Variants in CDH18 observed in about 807,000 individuals in gnomAD.
CDH18 encodes the protein cadherin-18.
CDH18 carries 31 observed loss-of-function variants against 67.9 expected under a neutral mutation model. The observed-to-expected ratio is 0.46, with a 90% confidence interval of 0.34 to 0.62. The LOEUF (loss-of-function observed/expected upper bound fraction) is 0.62, where lower values mean the gene tolerates loss of function less well. Ranked by LOEUF, CDH18 falls within the 20% of genes least tolerant of loss-of-function variation. The probability of loss-of-function intolerance (pLI) is 0.01; values close to 1 mark genes in which losing one functional copy is unlikely to be tolerated. For synonymous variants in CDH18, 362 were observed against 347.2 expected (o/e 1.04, Z -0.48); for missense variants, 890 against 975.5 (o/e 0.91, Z 1.17).
In CDH18 at chr5:20,546,310, A is replaced by T. The variant is rs559235868; in HGVS notation, c.-580+29152T>A. Among the ~76,000 whole-genome samples, 410 of 152,164 alleles carry T rather than the reference A, an allele frequency of 2.7e-3. 1 individual carries two copies. The highest frequency in any genetic ancestry group is 4.5e-3 in the Non-Finnish European group (303 of 68,004). ...CAACTCTGCCTGTTACCCAGTTCCAAACTCATTTCCACATTTTCAGGTTAT... is the reference window on the plus strand; with the variant it reads ...CAACTCTGCCTGTTACCCAGTTCCATACTCATTTCCACATTTTCAGGTTAT... On this transcript the variant is annotated intron_variant, in intron 1 of 14. Transcript: ENST00000507958.
chr5:19,518,592 G>A (rs371092659), intron 10 of CDH18, among the ~76,000 whole-genome samples: 4 of 152,098 alleles, frequency 2.6e-5, no homozygotes, highest in Non-Finnish European at 5.9e-5. Context: ...TCCGGCCCTC[G>A]TCTTTTTCCT....
intron 1 of CDH18, among the ~76,000 whole-genome samples, chr5:20,371,060 AGTC>A (rs1742959726): frequency 6.6e-6 from 1 of 152,044 alleles, no homozygotes; most frequent in Non-Finnish European, 1.5e-5. Flanking sequence ...CTGTGGCATC[AGTC>A]CAGCCAATGT....
chr5:19,651,917 A>T (rs1554069604), intron 5 of CDH18, among the ~76,000 whole-genome samples: 1 of 152,046 alleles, frequency 6.6e-6, no homozygotes, highest in Non-Finnish European at 1.5e-5. Context: ...TCATTTAGAA[A>T]ATAAAAGAAA....
At chr5:19,754,095 CA>C (rs979010873) in intron 3 of CDH18, among the ~76,000 whole-genome samples, 7 of 151,836 alleles carry the variant, frequency 4.6e-5, no homozygotes, top group African/African-American at 7.2e-5. Context: ...AACAAACAAA[CA>C]AAAAAACCCC....
chr5:19,589,892 T>C (rs1252183930), intron 7 of CDH18, among the ~76,000 whole-genome samples: 1 of 152,136 alleles, frequency 6.6e-6, no homozygotes, highest in Non-Finnish European at 1.5e-5. Flanking sequence ...CTCCTAGGCT[T>C]CTTTCAATTC....
At chr5:19,885,653 C>T (rs553911857) in intron 2 of CDH18, among the ~76,000 whole-genome samples, 2 of 152,084 alleles carry the variant, frequency 1.3e-5, no homozygotes, top group Non-Finnish European at 2.9e-5. Context: ...CTAGAGCTTC[C>T]GGGCTCAAGT....
At chr5:20,089,301 T>G (rs1288572833) in intron 2 of CDH18, among the ~76,000 whole-genome samples, 4 of 152,136 alleles carry the variant, frequency 2.6e-5, no homozygotes, top group African/African-American at 4.8e-5. Flanking sequence ...AAAATCTGAA[T>G]GGTCTTTGTA....
At chr5:19,910,116 C>T (rs1790964615) in intron 2 of CDH18, among the ~76,000 whole-genome samples, 1 of 152,052 alleles carries the variant, frequency 6.6e-6, no homozygotes, top group Non-Finnish European at 1.5e-5. Flanking sequence ...AATAAATCAG[C>T]CCCAATGTGG....
intron 1 of CDH18, among the ~76,000 whole-genome samples, chr5:20,295,680 TTGTGCCACTGCA>T (rs1408324005): frequency 6.6e-6 from 1 of 151,568 alleles, no homozygotes; most frequent in African/African-American, 2.4e-5. Flanking sequence ...TGAGCCAAGG[TTGTGCCACTGCA>T]CTCTAGCCTC....
chr5:20,527,246 G>C (rs10941837), intron 1 of CDH18, among the ~76,000 whole-genome samples: 63,821 of 151,802 alleles, frequency 0.42, 14,669 homozygotes, highest in East Asian at 0.57. Context: ...AAACCTCTGA[G>C]AACTATGGGA....
intron 5 of CDH18, among the ~76,000 whole-genome samples, chr5:19,715,379 G>A (rs1225966403): frequency 6.6e-6 from 1 of 152,124 alleles, no homozygotes; most frequent in Non-Finnish European, 1.5e-5. Flanking sequence ...ACAATATGTT[G>A]AGAAAAGGTC....
chr5:20,386,579 TTAAA>T (rs1744327184), intron 1 of CDH18, among the ~76,000 whole-genome samples: 1 of 152,148 alleles, frequency 6.6e-6, no homozygotes, highest in South Asian at 2.1e-4. Context: ...CATGCATAAC[TTAAA>T]TAATATGGCC....
At chr5:19,845,739 T>C (rs1293237819) in intron 2 of CDH18, among the ~76,000 whole-genome samples, 1 of 152,028 alleles carries the variant, frequency 6.6e-6, no homozygotes, top group Non-Finnish European at 1.5e-5. Flanking sequence ...GTTAATACAT[T>C]TATAATTATA....
intron 9 of CDH18, among the ~76,000 whole-genome samples, chr5:19,534,601 A>T (rs185286781): frequency 2.0e-5 from 3 of 152,318 alleles, no homozygotes; most frequent in African/African-American, 4.8e-5. Flanking sequence ...AATCTCTTTT[A>T]AATTTGAGAA....
intron 10 of CDH18, among the ~76,000 whole-genome samples, chr5:19,507,274 T>C (rs1193382541): frequency 6.6e-6 from 1 of 152,086 alleles, no homozygotes; most frequent in Non-Finnish European, 1.5e-5. Context: ...GGAGAGGATG[T>C]GGAGAAATAG....
intron 1 of CDH18, among the ~76,000 whole-genome samples, chr5:20,345,023 A>T (rs1407919920): frequency 6.6e-6 from 1 of 152,066 alleles, no homozygotes; most frequent in Non-Finnish European, 1.5e-5. Context: ...TGCTAATCCC[A>T]TCATCTTAGT....
At chr5:19,490,850 T>C (rs1181198160) in intron 11 of CDH18, among the ~76,000 whole-genome samples, 1 of 152,010 alleles carries the variant, frequency 6.6e-6, no homozygotes, top group Non-Finnish European at 1.5e-5. Flanking sequence ...AGGGGAAAAA[T>C]AATTTTATAT....
At chr5:19,962,395 A>AAAAT (rs58319680) in intron 2 of CDH18, among the ~76,000 whole-genome samples, 3,423 of 117,032 alleles carry the variant, frequency 0.029, 227 homozygotes, top group African/African-American at 0.088. Context: ...AAAAAAAAAA[A>AAAAT]AGAAAATTCA....
rs1276727871 is a variant in CDH18 at position 20,069,326 on chromosome 5, A to AAAG, written c.-517-77315_-517-77313dup. 2.0e-5 allele frequency among the ~76,000 whole-genome samples: 3 copies of AAAG among 152,058 alleles called. No homozygotes were observed. The East Asian group carries it at 5.8e-4, about 29-fold the overall frequency. On this transcript the variant is annotated intron_variant, in intron 2 of 14. Transcript: ENST00000507958. The stretch of plus-strand genomic sequence containing the variant: ...CTGAGGCTATGTGTCCCATTCTCAG[A>AAAG]AAGGCTTCTTGGTCAGTTTATGCAA...
Sources: gnomAD v4.1 joint callset for allele counts (sites outside exome capture counted in the v4.1 genomes callset) on GRCh38, gnomAD v4.1.1 for gene constraint, MANE v1.5 for transcripts, NCBI Gene and HGNC (gene_info 2026-07-23, HGNC 2026-07-21) for gene names.